The following ELFN1 variants were observed in gnomAD, a reference collection of about 807,000 sequenced individuals.
The protein encoded by ELFN1 is protein ELFN1.
In ELFN1, 6 loss-of-function variants were observed where a neutral mutation model predicts 7.6. The ratio of observed to expected loss-of-function variants is 0.79; its 90% CI spans 0.43 to 1.56. ELFN1 has a LOEUF of 1.56. Ranked by LOEUF, ELFN1 falls within the 40% of genes most tolerant of loss-of-function variation. The probability of loss-of-function intolerance (pLI) is 0.01; values close to 1 mark genes in which losing one functional copy is unlikely to be tolerated. For missense variants in ELFN1, 1,169 were observed against 1,232.2 expected, an observed-to-expected ratio of 0.95 and a Z score of 0.77; for synonymous variants, 657 against 588.1, an observed-to-expected ratio of 1.12 and a Z score of -1.70.
upstream of ELFN1, among the ~76,000 whole-genome samples, chr7:1,669,200 C>CT (rs1171534502): frequency 6.6e-6 from 1 of 152,250 alleles, no homozygotes; most frequent in Non-Finnish European, 1.5e-5. Context: ...TCCCCACACA[C>CT]TATAGGATTT....
intron 1 of ELFN1, among the ~76,000 whole-genome samples, chr7:1,684,027 G>A (rs1349014392): frequency 6.6e-6 from 1 of 152,114 alleles, no homozygotes; most frequent in African/African-American, 2.4e-5. Context: ...GTGCACACCT[G>A]TAGTCCTAGC....
chr7:1,718,553 AG>A (rs1779904741), intron 3 of ELFN1, among the ~76,000 whole-genome samples: 1 of 152,188 alleles, frequency 6.6e-6, no homozygotes, highest in Non-Finnish European at 1.5e-5. Context: ...GTGCCCAGAG[AG>A]ACACCGACCA....
At chr7:1,698,975 C>G (rs940012406) in intron 2 of ELFN1, among the ~76,000 whole-genome samples, 1 of 152,192 alleles carries the variant, frequency 6.6e-6, no homozygotes, top group Non-Finnish European at 1.5e-5. Flanking sequence ...TAAACACTAC[C>G]CTGGCTCCTT....
chr7:1,696,505 C>T (rs1029691592), intron 2 of ELFN1, among the ~76,000 whole-genome samples: 12 of 151,966 alleles, frequency 7.9e-5, no homozygotes, highest in Admixed American at 3.3e-4. Flanking sequence ...CATCCTCCCA[C>T]CTCAGGTTCC....
chr7:1,704,263 A>G (rs1481175462), intron 2 of ELFN1, among the ~76,000 whole-genome samples: 3 of 152,060 alleles, frequency 2.0e-5, no homozygotes, highest in African/African-American at 7.2e-5. Context: ...TCCTTTTCCC[A>G]GCACCGATGG....
chr7:1,745,433 G>C lies in ELFN1; in HGVS notation c.837G>C (p.Pro279=). Reference sequence around the variant, plus strand: ...AGCCGGGCCGCTCCCCGCCGCCCCCGCCTCCGCCGGAGCCCAGTGACATGC... The same window carrying C: ...AGCCGGGCCGCTCCCCGCCGCCCCCCCCTCCGCCGGAGCCCAGTGACATGC... ...RSQPGRSPPP[P]PPPEPSDMPC... is the part of the protein sequence containing the mutation. Residue 279 remains proline (P), a synonymous_variant, in exon 4 of 4, where the codon CCG becomes CCC. Coordinates refer to ENST00000424383, the MANE Select transcript of ELFN1 (RefSeq NM_001128636.4). The C allele has an allele frequency of 1.3e-6, 2 of 1,539,508 alleles. No individual in the cohort carries two copies. The highest frequency in any genetic ancestry group is 1.2e-5 in the South Asian group (1 of 83,986).
At chr7:1,680,415 G>A (rs370486823) in intron 1 of ELFN1, among the ~76,000 whole-genome samples, 6 of 152,312 alleles carry the variant, frequency 3.9e-5, no homozygotes, top group Admixed American at 2.0e-4. Context: ...CACCACCCTC[G>A]GGACAAGAAT....
In ELFN1 at chr7:1,740,611, C is replaced by G. The variant is rs999495602; in HGVS notation, c.-293-3693C>G. Among the ~76,000 whole-genome samples, 1 of 152,084 alleles carries G rather than the reference C, an allele frequency of 6.6e-6. No homozygotes were observed. The highest frequency in any genetic ancestry group is 1.5e-5 in the Non-Finnish European group (1 of 68,014). On this transcript the variant is annotated intron_variant, in intron 3 of 3. Transcript: ENST00000424383. The surrounding 1 kb of genome is among the most constrained non-coding windows in gnomAD (Gnocchi z 5.0). ...CTGTCCAGAACCTTCCTAGGTGATT[C>G]GGCCTTTCCCTGTTTCCTGTGCCAG...
At chr7:1,677,327 A>C (rs1410901314) in intron 1 of ELFN1, among the ~76,000 whole-genome samples, 1 of 152,166 alleles carries the variant, frequency 6.6e-6, no homozygotes, top group East Asian at 1.9e-4. Context: ...GTGCCCACAG[A>C]AGTGGGGCTC....
At chr7:1,723,918 T>G (rs1780101557) in intron 3 of ELFN1, among the ~76,000 whole-genome samples, 1 of 152,188 alleles carries the variant, frequency 6.6e-6, no homozygotes, top group South Asian at 2.1e-4. Flanking sequence ...TTGGATGAGC[T>G]GACGTTGTGT....
At chr7:1,720,304 C>G (rs1268847534) in intron 3 of ELFN1, among the ~76,000 whole-genome samples, 1 of 152,182 alleles carries the variant, frequency 6.6e-6, no homozygotes, top group East Asian at 1.9e-4. Flanking sequence ...GGGCAGACGT[C>G]TCCACAGTGG....
intron 3 of ELFN1, among the ~76,000 whole-genome samples, chr7:1,713,505 A>G (rs1779727982): frequency 1.3e-5 from 2 of 152,212 alleles, no homozygotes; most frequent in South Asian, 4.1e-4. Context: ...TCCTGTGTTC[A>G]AGGCCTGGTC....
At chr7:1,731,264 G>A (rs1034206430) in intron 3 of ELFN1, among the ~76,000 whole-genome samples, 6 of 152,168 alleles carry the variant, frequency 3.9e-5, no homozygotes, top group East Asian at 3.8e-4. Context: ...CAACAGGCTC[G>A]CAGCGAGTTT....
Position 1,746,502 on chromosome 7 carries a change from C to G in ELFN1, c.1906C>G (p.Pro636Ala). ...CCACAGCGTGGAGGCCGCCGGGCCC[C>G]CTCGTGCCAGCACCTCGTCCAGCGG... ...RHHSVEAAGP[P>A]RASTSSSGSV... is the part of the protein sequence containing the mutation. The change falls in exon 4 of 4, where the codon CCT (proline) becomes GCT (alanine). Residue 636 changes from proline (P) to alanine (A), a missense_variant. Pro to Ala is a conservative substitution (Grantham distance 27). Coordinates refer to ENST00000424383, the MANE Select transcript of ELFN1 (RefSeq NM_001128636.4). 1.3e-6 allele frequency: 2 copies of G among 1,490,432 alleles called. No homozygotes were observed. The highest frequency in any genetic ancestry group is 1.8e-6 in the Non-Finnish European group (2 of 1,128,810). 92.3% of individuals were successfully genotyped at this position (1,490,432 alleles called of 1,614,324 possible).
At position 1,747,637 on chromosome 7, in the gene ELFN1, A is replaced by G. The variant is rs1780845841; in HGVS notation, c.*554A>G. The G allele has an allele frequency of 1.2e-5, 2 of 165,184 alleles. No homozygotes were observed. The highest frequency in any genetic ancestry group is 1.5e-5 in the Non-Finnish European group (1 of 68,106). The allele number at this position is 165,184 out of a possible 1,614,324, so 10.2% of individuals were successfully genotyped here. A position where few individuals can be genotyped will look rare whatever the true frequency, so the allele number is the denominator to read the frequency against. On this transcript the variant is annotated 3_prime_UTR_variant, in exon 4 of 4. Transcript: ENST00000424383. Reference sequence around the variant, plus strand: ...CATTGCCGCCTCCGGAGTCCACTGCAGAGGGGCAGAGTGAATGCCGGCGGC... The same window carrying G: ...CATTGCCGCCTCCGGAGTCCACTGCGGAGGGGCAGAGTGAATGCCGGCGGC...
At position 1,745,268 on chromosome 7, in the gene ELFN1, C is replaced by A; in HGVS notation, c.672C>A (p.Pro224=). 2 of 1,538,802 alleles carry A rather than the reference C, an allele frequency of 1.3e-6. No individual in the cohort carries two copies. The highest frequency in any genetic ancestry group is 8.7e-7 in the Non-Finnish European group (1 of 1,146,846). The change falls in exon 4 of 4, where the codon CCC becomes CCA. Residue 224 remains proline, a synonymous_variant. Coordinates refer to ENST00000424383, the MANE Select transcript of ELFN1 (RefSeq NM_001128636.4). ...TYDRMQCESP[P]VYSGYYLLGQ... ...ACCGCATGCAGTGCGAGTCGCCGCC[C>A]GTCTACTCCGGCTACTACCTCCTGG...
intron 1 of ELFN1, among the ~76,000 whole-genome samples, chr7:1,685,230 C>T (rs1486224750): frequency 2.0e-5 from 3 of 152,118 alleles, no homozygotes; most frequent in Admixed American, 6.5e-5. Context: ...AATCAATTTT[C>T]TCCTGCTCCT....
intron 2 of ELFN1, among the ~76,000 whole-genome samples, chr7:1,696,567 G>A (rs929413442): frequency 1.1e-4 from 17 of 151,990 alleles, no homozygotes; most frequent in African/African-American, 3.9e-4. Flanking sequence ...ACTAACTATT[G>A]TTTAAAACTT....
Position 1,744,817 on chromosome 7 carries a change from G to A in ELFN1, c.221G>A (p.Ser74Asn). ...CGGCTCAACGAGAACCGTATCCGCA[G>A]CGTGCAGTACGCCTCGCTCAGCCGC... Reference protein sequence around the residue: ...DLRLNENRIRSVQYASLSRFG... With the variant: ...DLRLNENRIRNVQYASLSRFG... The change falls in exon 4 of 4, where the codon AGC becomes AAC. Residue 74 changes from serine to asparagine, a missense_variant. Physicochemically the swap from Ser to Asn is conservative, Grantham distance 46. Around this residue, in one of 2 missense-constraint regions of ELFN1, gnomAD observed 255 missense variants for 359.6 expected, o/e 0.71. Coordinates refer to ENST00000424383, the MANE Select transcript of ELFN1 (RefSeq NM_001128636.4). 6.4e-7 allele frequency: 1 copy of A among 1,566,296 alleles called. No individual in the cohort carries two copies. Among genetic ancestry groups the A allele is most frequent in the South Asian group, 1.2e-5 (1 of 85,152 alleles).
Sources: gnomAD v4.1 joint callset for allele counts (sites outside exome capture counted in the v4.1 genomes callset) on GRCh38, gnomAD v4.1.1 for gene constraint, gnomAD v4.1.1 regional missense constraint, Gnocchi (gnomAD v3.1) non-coding constraint, MANE v1.5 for transcripts, NCBI Gene and HGNC (gene_info 2026-07-23, HGNC 2026-07-21) for gene names.